The following SMAD3 variants were observed in gnomAD, a reference collection of about 807,000 sequenced individuals.
SMAD3 encodes the protein MAD homolog 3.
Under a neutral mutation model 51.8 loss-of-function variants are expected in SMAD3, and 12 were observed. The ratio of observed to expected loss-of-function variants is 0.23; its 90% confidence interval spans 0.15 to 0.38. The LOEUF (loss-of-function observed/expected upper bound fraction) is 0.38. Ranked by LOEUF, SMAD3 falls within the 10% of genes least tolerant of loss-of-function variation. The probability of loss-of-function intolerance (pLI) is 1.00; values close to 1 mark genes in which losing one functional copy is unlikely to be tolerated. For synonymous variants in SMAD3, 238 were observed against 227.7 expected, an observed-to-expected ratio of 1.05 and a Z score of -0.41; for missense variants, 294 against 565.6, an observed-to-expected ratio of 0.52 and a Z score of 4.87.
intron 1 of SMAD3, among the ~76,000 whole-genome samples, chr15:67,095,908 G>A (rs979166308): frequency 9.9e-5 from 15 of 152,214 alleles, no homozygotes; most frequent in African/African-American, 3.6e-4. Flanking sequence ...GATGTGGGCA[G>A]CATGTGCCCA....
At chr15:67,161,490 C>A (rs1212303750) in intron 1 of SMAD3, among the ~76,000 whole-genome samples, 1 of 152,348 alleles carries the variant, frequency 6.6e-6, no homozygotes, top group South Asian at 2.1e-4. Flanking sequence ...CCTTCTCTTG[C>A]AGAGGAGGCT....
chr15:67,170,804 A>G, intron 5 of SMAD3, 200 bp downstream of exon 5: 3 of 574,682 alleles, frequency 5.2e-6, no homozygotes, highest in Non-Finnish European at 9.3e-6. Context: ...GTGGCAGGAA[A>G]GACAACCATA....
intron 1 of SMAD3, among the ~76,000 whole-genome samples, chr15:67,115,567 G>A (rs970842963): frequency 6.6e-6 from 1 of 152,154 alleles, no homozygotes; most frequent in African/African-American, 2.4e-5. Context: ...GGGCGCTTGG[G>A]TCCTCTCGCA....
intron 1 of SMAD3, among the ~76,000 whole-genome samples, chr15:67,143,601 A>G (rs570997521): frequency 2.7e-4 from 41 of 151,552 alleles, no homozygotes; most frequent in Non-Finnish European, 5.0e-4. Context: ...CGCCTGGCTC[A>G]TTTTTGTCTT....
At chr15:67,176,848 A>G (rs1962912006) in intron 5 of SMAD3, among the ~76,000 whole-genome samples, 1 of 152,076 alleles carries the variant, frequency 6.6e-6, no homozygotes, top group African/African-American at 2.4e-5. Flanking sequence ...CACTGGGAGG[A>G]GAGATTAGCA....
chr15:67,106,572 C>T (rs1467219460), intron 1 of SMAD3, among the ~76,000 whole-genome samples: 1 of 152,198 alleles, frequency 6.6e-6, no homozygotes, highest in Non-Finnish European at 1.5e-5. Flanking sequence ...TATGCACTGT[C>T]TGTCTTCCTC....
intron 8 of SMAD3, among the ~76,000 whole-genome samples, chr15:67,188,041 A>C (rs1963265327): frequency 6.6e-6 from 1 of 152,052 alleles, no homozygotes; most frequent in African/African-American, 2.4e-5. Context: ...ATTAAAACTG[A>C]GAGTCCGGGA....
intron 1 of SMAD3, among the ~76,000 whole-genome samples, chr15:67,151,140 TGA>T (rs1962130705): frequency 6.6e-6 from 1 of 151,922 alleles, no homozygotes; most frequent in Non-Finnish European, 1.5e-5. Flanking sequence ...ATTACAGACG[TGA>T]GCCACCACGC....
chr15:67,066,065 C>G lies in SMAD3; in HGVS notation c.-90C>G, dbSNP rs1374622642. The G allele has an allele frequency of 1.1e-6, 1 of 888,654 alleles. No individual in the cohort carries two copies. The highest frequency in any genetic ancestry group is 1.6e-6 in the Non-Finnish European group (1 of 625,210). The allele number at this position is 888,654 out of a possible 1,614,324, so 55.0% of individuals were successfully genotyped here. A position where few individuals can be genotyped will look rare whatever the true frequency, so the allele number is the denominator to read the frequency against. Reference sequence around the variant, plus strand: ...CGAAGTTTGGGCGACCGCGGCAGGCCCCGGCCGAGCTCCCCTCTGCGCCCC... The same window carrying G: ...CGAAGTTTGGGCGACCGCGGCAGGCGCCGGCCGAGCTCCCCTCTGCGCCCC... On this transcript the variant is annotated 5_prime_UTR_variant, in exon 1 of 9. Transcript: ENST00000327367.
chr15:67,124,306 G>A (rs531542559), intron 1 of SMAD3, among the ~76,000 whole-genome samples: 1 of 152,300 alleles, frequency 6.6e-6, no homozygotes, highest in Non-Finnish European at 1.5e-5. Flanking sequence ...TCCTTTGAAA[G>A]AAGGCATTGC....
At chr15:67,135,465 A>G (rs1961635511) in intron 1 of SMAD3, among the ~76,000 whole-genome samples, 1 of 152,242 alleles carries the variant, frequency 6.6e-6, no homozygotes, top group Non-Finnish European at 1.5e-5. Context: ...TTTGAGAGCC[A>G]AAACTTCTTG....
chr15:67,070,128 C>G (rs891948714), intron 1 of SMAD3, among the ~76,000 whole-genome samples: 1 of 152,194 alleles, frequency 6.6e-6, no homozygotes, highest in Admixed American at 6.5e-5. Context: ...TGGGGATAGA[C>G]CTATTACTAA....
intron 1 of SMAD3, among the ~76,000 whole-genome samples, chr15:67,158,681 T>C (rs143698246): frequency 6.6e-6 from 1 of 152,322 alleles, no homozygotes; most frequent in East Asian, 1.9e-4. Context: ...GTGGGACCAT[T>C]GTAAGATGTG....
chr15:67,116,335 C>T (rs1362524180), intron 1 of SMAD3, among the ~76,000 whole-genome samples: 3 of 152,212 alleles, frequency 2.0e-5, no homozygotes, highest in Admixed American at 2.0e-4. Context: ...ATATACTGGA[C>T]ACGTTGTCCT....
At chr15:67,107,871 A>G (rs1420350519) in intron 1 of SMAD3, among the ~76,000 whole-genome samples, 2 of 152,142 alleles carry the variant, frequency 1.3e-5, no homozygotes, top group African/African-American at 4.8e-5. Flanking sequence ...CTTCTGTGAT[A>G]CTGACATCTG....
chr15:67,067,752 C>T (rs920381338), intron 1 of SMAD3, among the ~76,000 whole-genome samples: 1 of 151,982 alleles, frequency 6.6e-6, no homozygotes, highest in Non-Finnish European at 1.5e-5. Flanking sequence ...GGAGGGAAGG[C>T]GGTGTGCTGT....
At chr15:67,098,613 G>A (rs1482984600) in intron 1 of SMAD3, 106 of 493,198 alleles carry the variant, frequency 2.1e-4, no homozygotes, top group Non-Finnish European at 7.4e-5. Flanking sequence ...GTACATTTGA[G>A]GCCCAGATCT....
At chr15:67,171,942 A>T (rs1295335105) in intron 5 of SMAD3, among the ~76,000 whole-genome samples, 1 of 152,132 alleles carries the variant, frequency 6.6e-6, no homozygotes, top group Non-Finnish European at 1.5e-5. Flanking sequence ...GCTGCTTTAG[A>T]TTTATTTTCT....
intron 1 of SMAD3, among the ~76,000 whole-genome samples, chr15:67,124,183 CT>C (rs1167718785): frequency 6.6e-6 from 1 of 152,110 alleles, no homozygotes; most frequent in East Asian, 1.9e-4. Flanking sequence ...GAGAAGAGGT[CT>C]TGCTATCATG....
Sources: gnomAD v4.1 joint callset for allele counts (sites outside exome capture counted in the v4.1 genomes callset) on GRCh38, gnomAD v4.1.1 for gene constraint, MANE v1.5 for transcripts, NCBI Gene and HGNC (gene_info 2026-07-23, HGNC 2026-07-21) for gene names.